Variants in FAF1 observed in about 807,000 individuals in gnomAD.
The protein encoded by FAF1 is FAS-associated factor 1.
FAF1 carries 25 observed loss-of-function variants against 92.5 expected under a neutral mutation model. The observed-to-expected ratio is 0.27, with a 90% CI of 0.20 to 0.38. The LOEUF (loss-of-function observed/expected upper bound fraction) is 0.38. Among genes scored for constraint, FAF1 ranks in the 10% least tolerant of loss-of-function variants. The probability of loss-of-function intolerance (pLI) is 1.00; values close to 1 mark genes in which losing one functional copy is unlikely to be tolerated. For missense variants in FAF1, 636 were observed against 793.3 expected (o/e 0.80, Z 2.38); for synonymous variants, 234 against 273.2 (o/e 0.86, Z 1.42).
At chr1:50,808,603 G>C (rs555047810) in intron 2 of FAF1, among the ~76,000 whole-genome samples, 11 of 150,408 alleles carry the variant, frequency 7.3e-5, no homozygotes, top group Non-Finnish European at 1.2e-4. Flanking sequence ...ACTCAACAAA[G>C]CAGAGGTTGC....
At position 50,444,764 on chromosome 1, in the gene FAF1, C is replaced by A. The variant is rs79170582; in HGVS notation, c.1870-3241G>T. ...TCACAACAGCTCAGTGAAATAGGTA[C>A]GATTCTTTCCATTTTATGGATGAAG... is the stretch of plus-strand genomic sequence containing the variant. On this transcript the variant is annotated intron_variant, in intron 18 of 18. Coordinates refer to ENST00000396153, the MANE Select transcript of FAF1 (RefSeq NM_007051.3). 9.9e-5 allele frequency among the ~76,000 whole-genome samples: 15 copies of A among 152,216 alleles called. No individual in the cohort carries two copies. The East Asian group carries it at 2.9e-3, about 29-fold the overall frequency.
intron 13 of FAF1, among the ~76,000 whole-genome samples, chr1:50,564,239 G>C (rs1373014580): frequency 7.1e-6 from 1 of 141,320 alleles, no homozygotes; most frequent in East Asian, 1.9e-4. Context: ...GGTAGTCCTA[G>C]GAAACCACTA....
chr1:50,699,446 A>G (rs1442557623), intron 7 of FAF1, among the ~76,000 whole-genome samples: 2 of 152,110 alleles, frequency 1.3e-5, no homozygotes, highest in African/African-American at 2.4e-5. Context: ...TAAGATTATT[A>G]ATTATACAAC....
chr1:50,761,669 G>A (rs1660332744), intron 4 of FAF1, among the ~76,000 whole-genome samples: 1 of 152,108 alleles, frequency 6.6e-6, no homozygotes. Context: ...CAATAAATTC[G>A]GTATTGATGG....
chr1:50,673,281 G>C (rs1655979622), intron 7 of FAF1, among the ~76,000 whole-genome samples: 1 of 151,306 alleles, frequency 6.6e-6, no homozygotes, highest in Admixed American at 6.6e-5. Flanking sequence ...AAAGAAAAAA[G>C]AAAATGCATA....
At chr1:50,452,160 A>G (rs572923429) in intron 18 of FAF1, 4 of 1,348,734 alleles carry the variant, frequency 3.0e-6, no homozygotes, top group Non-Finnish European at 3.9e-6. Flanking sequence ...GAACGAGAAC[A>G]GGCATGTTTC....
At chr1:50,775,421 A>T (rs2124552730) in intron 4 of FAF1, among the ~76,000 whole-genome samples, 1 of 152,248 alleles carries the variant, frequency 6.6e-6, no homozygotes, top group Non-Finnish European at 1.5e-5. Flanking sequence ...TGTTTAAAGC[A>T]TATACAAAAT....
intron 4 of FAF1, among the ~76,000 whole-genome samples, chr1:50,746,726 TAAGTA>T (rs1012332202): frequency 3.3e-5 from 5 of 152,110 alleles, no homozygotes; most frequent in African/African-American, 1.2e-4. Flanking sequence ...GAAGTTTACA[TAAGTA>T]AAGAAAAGCC....
At chr1:50,952,601 G>A (rs1384761056) in intron 1 of FAF1, among the ~76,000 whole-genome samples, 1 of 151,944 alleles carries the variant, frequency 6.6e-6, no homozygotes, top group African/African-American at 2.4e-5. Flanking sequence ...CCTCTGCCCA[G>A]CCGCCCAGTC....
Position 50,528,842 on chromosome 1 carries a change from C to T in FAF1, c.1494+6527G>A, listed in dbSNP as rs146298340. 5.3e-5 allele frequency among the ~76,000 whole-genome samples: 8 copies of T among 152,280 alleles called. No individual in the cohort carries two copies. The East Asian group carries it at 5.8e-4, about 11-fold the overall frequency. ...CTCCACCTCTCCTCAGCCTGCTCTA[C>T]GTGAAGGTGACAAGAACAAAGACCT... On this transcript the variant is annotated intron_variant, in intron 15 of 18. Transcript: ENST00000396153.
At chr1:50,770,525 A>G (rs1304827699) in intron 4 of FAF1, among the ~76,000 whole-genome samples, 5 of 152,348 alleles carry the variant, frequency 3.3e-5, no homozygotes, top group East Asian at 1.9e-4. Context: ...AGGAAATGCA[A>G]TACCTAGGAA....
chr1:50,918,812 G>A (rs1644940666), intron 1 of FAF1, among the ~76,000 whole-genome samples: 1 of 136,596 alleles, frequency 7.3e-6, no homozygotes, highest in Admixed American at 7.8e-5. Context: ...CCCACCAACA[G>A]TGTAAAAGTG....
At chr1:50,894,246 C>G (rs980827428) in intron 1 of FAF1, among the ~76,000 whole-genome samples, 1 of 149,058 alleles carries the variant, frequency 6.7e-6, no homozygotes, top group Non-Finnish European at 1.5e-5. Context: ...TTGCAGTGAG[C>G]CAAGATCACA....
At chr1:50,489,046 G>A (rs958636738) in intron 17 of FAF1, among the ~76,000 whole-genome samples, 3 of 152,106 alleles carry the variant, frequency 2.0e-5, no homozygotes, top group African/African-American at 7.2e-5. Context: ...TACTTCATCT[G>A]TACATTGTCT....
intron 7 of FAF1, among the ~76,000 whole-genome samples, chr1:50,690,395 G>C (rs1656866582): frequency 6.6e-6 from 1 of 152,258 alleles, no homozygotes; most frequent in Non-Finnish European, 1.5e-5. Flanking sequence ...ACAAGATCAG[G>C]AGTTCAAGAC....
intron 8 of FAF1, among the ~76,000 whole-genome samples, chr1:50,643,203 T>TTTTC (rs1166515960): frequency 6.6e-6 from 1 of 152,154 alleles, no homozygotes; most frequent in Non-Finnish European, 1.5e-5. Context: ...CTATATTTCT[T>TTTTC]TTTCTTTCTT....
chr1:50,692,864 C>A (rs927069427), intron 7 of FAF1, among the ~76,000 whole-genome samples: 1 of 152,136 alleles, frequency 6.6e-6, no homozygotes, highest in African/African-American at 2.4e-5. Context: ...GTTTGCATAT[C>A]TTCTCCTGAG....
At chr1:50,490,446 AGGAAGGAAGGAAGGAAAAAG>A (rs2149008315) in intron 17 of FAF1, 122 bp downstream of exon 17, 2 of 405,246 alleles carry the variant, frequency 4.9e-6, no homozygotes. Context: ...GAAGGAAGGA[AGGAAGGAAGGAAGGAAAAAG>A]AAAGAAGGAA....
intron 2 of FAF1, among the ~76,000 whole-genome samples, chr1:50,804,450 A>C (rs562068867): frequency 6.6e-6 from 1 of 152,332 alleles, no homozygotes; most frequent in East Asian, 1.9e-4. Flanking sequence ...TAAAGGACAG[A>C]CAGGAGGAAA....
Sources: gnomAD v4.1 joint callset for allele counts (sites outside exome capture counted in the v4.1 genomes callset) on GRCh38, gnomAD v4.1.1 for gene constraint, MANE v1.5 for transcripts, NCBI Gene and HGNC (gene_info 2026-07-23, HGNC 2026-07-21) for gene names.